The following AP3D1 variants were observed in gnomAD, a reference collection of about 807,000 sequenced individuals.
AP3D1 encodes the protein adaptor related protein complex 3 subunit delta 1, also known as AP-3 complex subunit delta-1.
AP3D1 carries 51 observed loss-of-function variants against 147.6 expected under a neutral mutation model. That is an observed-to-expected ratio of 0.35 (90% CI 0.28 to 0.44). The LOEUF is 0.44. Among genes scored for constraint, AP3D1 ranks in the 20% least tolerant of loss-of-function variants. AP3D1 has a pLI of 1.00. For missense variants in AP3D1, 1,421 were observed against 1,624.2 expected (o/e 0.87, Z 2.15); for synonymous variants, 760 against 663.0 (o/e 1.15, Z -2.25).
chr19:2,161,146 C>T (rs2144607893), intron 1 of AP3D1, among the ~76,000 whole-genome samples: 1 of 149,028 alleles, frequency 6.7e-6, no homozygotes, highest in East Asian at 2.0e-4. Context: ...CCATCAGGAG[C>T]TTCTCCTAGT....
chr19:2,154,124 T>C (rs542001409), upstream of AP3D1, among the ~76,000 whole-genome samples: 27 of 151,822 alleles, frequency 1.8e-4, no homozygotes, highest in African/African-American at 2.2e-4. Context: ...ATTTTTGTAT[T>C]TTTAGTAGAG....
rs945185334 is a variant in AP3D1 at position 2,132,355 on chromosome 19, C to T, written c.462+116G>A. Reference sequence around the variant, plus strand: ...GATTTGGTTCCCATTTCAGGCAGGCCACGCACCGGGGACCCCGGCCGGTTT... The same window carrying T: ...GATTTGGTTCCCATTTCAGGCAGGCTACGCACCGGGGACCCCGGCCGGTTT... On this transcript the variant is annotated intron_variant, in intron 5 of 31. Transcript: ENST00000643116. 18 of 874,130 alleles carry T rather than the reference C, an allele frequency of 2.1e-5. 1 individual carries two copies. In the Middle Eastern group the frequency reaches 1.9e-3, roughly 91 times the overall value. The allele number at this position is 874,130 out of a possible 1,614,324, so 54.1% of individuals were successfully genotyped here.
Position 2,129,461 on chromosome 19 carries a change from G to A in AP3D1, c.593-4C>T. 3.7e-6 allele frequency: 6 copies of A among 1,612,988 alleles called. No individual in the cohort carries two copies. Among genetic ancestry groups the A allele is most frequent in the Non-Finnish European group, 5.1e-6 (6 of 1,179,276 alleles). On this transcript the variant is annotated splice_region_variant and splice_polypyrimidine_tract_variant and intron_variant, in intron 6 of 31. Coordinates refer to ENST00000643116, the MANE Select transcript of AP3D1 (RefSeq NM_001261826.3). ...TTGACGGCAGCCGACTGAACCCCTG[G>A]GGAACAAGGGGTTCTCATCAGCATG... is the stretch of plus-strand genomic sequence containing the variant.
At position 2,110,707 on chromosome 19, in the gene AP3D1, C is replaced by G. The variant is rs750821648; in HGVS notation, c.3175G>C (p.Gly1059Arg). Residue 1059 changes from glycine to arginine, a missense_variant and splice_region_variant, in exon 27 of 32, where the codon GGC becomes CGC. Gly to Arg is a moderately radical substitution (Grantham distance 125). Transcript: ENST00000643116. ...AGGCCGTGAGTGGGGCAGGGCTCAC[C>G]TGGGGGCAGCTGGAAAGGCACGGGG... ...GVPVPFQLPP[G>R]VSNEAQYVFT... 3 of 1,594,444 alleles carry G rather than the reference C, an allele frequency of 1.9e-6. No homozygotes were observed. In the Admixed American group the frequency reaches 5.2e-5, roughly 28 times the overall value.
Position 2,117,347 on chromosome 19 carries a change from C to G in AP3D1, c.1734G>C (p.Leu578=). 1 of 1,609,410 alleles carries G rather than the reference C, an allele frequency of 6.2e-7. No individual in the cohort carries two copies. The highest frequency in any genetic ancestry group is 2.2e-5 in the East Asian group (1 of 44,750). Residue 578 remains leucine (L), a synonymous_variant, in exon 16 of 32, where the codon CTG becomes CTC. Transcript: ENST00000643116. ...VQERASCILQ[L]VKHIQKLQAK... is the part of the protein sequence containing the mutation. ...CCTGAAGCTTCTGGATGTGCTTGAC[C>G]AGCTGCAGGATGCAGGACGCCTGTG...
Position 2,130,418 on chromosome 19 carries a change from G to A in AP3D1, c.582C>T (p.Asp194=). The part of the protein sequence containing the change: ...AFPRLKEKLE[D]PDPGVQSAAV... ...CTCAAATCCACAAACCGGGGTCGGGGTCCTCCAGCTTCTCCTTCAGCCGGG... is the reference window on the plus strand; with the variant it reads ...CTCAAATCCACAAACCGGGGTCGGGATCCTCCAGCTTCTCCTTCAGCCGGG... Residue 194 remains aspartate, a synonymous_variant, in exon 6 of 32, where the codon GAC becomes GAT. Transcript: ENST00000643116. 1 of 1,613,978 alleles carries A rather than the reference G, an allele frequency of 6.2e-7. No homozygotes were observed. The highest frequency in any genetic ancestry group is 1.7e-5 in the Admixed American group (1 of 60,028).
intron 1 of AP3D1, among the ~76,000 whole-genome samples, chr19:2,143,512 T>G (rs925886995): frequency 6.6e-6 from 1 of 151,766 alleles, no homozygotes; most frequent in Admixed American, 6.6e-5. Context: ...AGTGCTGGGA[T>G]TACAGGCGTG....
chr19:2,129,245 A>G, intron 7 of AP3D1, 73 bp downstream of exon 7: 1 of 1,595,986 alleles, frequency 6.3e-7, no homozygotes, highest in Non-Finnish European at 8.6e-7. Context: ...GGTCACCCGC[A>G]GGGAATGCCC....
At chr19:2,137,883 C>T in intron 2 of AP3D1, 76 bp from the exon 3 acceptor site, 1 of 1,377,324 alleles carries the variant, frequency 7.3e-7, no homozygotes, top group South Asian at 1.2e-5. Context: ...GCATCAAGCG[C>T]TCCCTCCCAG....
intron 17 of AP3D1, 59 bp from the exon 18 acceptor site, chr19:2,116,337 C>G: frequency 2.0e-6 from 3 of 1,536,484 alleles, no homozygotes; most frequent in South Asian, 1.2e-5. Flanking sequence ...CCTCTGTGGA[C>G]GTCCACCACC....
At chr19:2,127,058 T>A in intron 9 of AP3D1, 94 bp downstream of exon 9, 1 of 1,376,954 alleles carries the variant, frequency 7.3e-7, no homozygotes, top group Non-Finnish European at 1.0e-6. Context: ...GGGGTGGCGC[T>A]CGGAGACACC....
intron 1 of AP3D1, among the ~76,000 whole-genome samples, chr19:2,145,665 A>C (rs1030800594): frequency 3.9e-5 from 6 of 152,118 alleles, no homozygotes; most frequent in Non-Finnish European, 7.4e-5. Flanking sequence ...GCTCAACGCA[A>C]GTGAGCATCA....
upstream of AP3D1, among the ~76,000 whole-genome samples, chr19:2,153,982 C>A (rs2019625178): frequency 1.2e-5 from 1 of 86,834 alleles, no homozygotes; most frequent in African/African-American, 2.9e-5. Context: ...GAGTCTCGCT[C>A]TGTTGCCCAG....
chr19:2,115,248 C>T lies in AP3D1; in HGVS notation c.2320G>A (p.Val774Met). The change falls in exon 20 of 32, where the codon GTG (valine) becomes ATG (methionine). Residue 774 changes from valine to methionine, a missense_variant. Val to Met is a conservative substitution (Grantham distance 21). Coordinates refer to ENST00000643116, the MANE Select transcript of AP3D1 (RefSeq NM_001261826.3). The part of the protein sequence containing the change: ...SDEDIAPAQQ[V>M]DIVTEEMPEN... ...GGCATCTCCTCTGTGACGATGTCCA[C>T]CTGCTGGGCAGGGGCGATGTCCTCG... 1 of 1,613,508 alleles carries T rather than the reference C, an allele frequency of 6.2e-7. No individual in the cohort carries two copies.
Position 2,121,700 on chromosome 19 carries a change from C to CCAGG in AP3D1, c.1101+30_1101+33dup, listed in dbSNP as rs766764592. Reference sequence around the variant, plus strand: ...CTTAATGTCCCTTAGAGAACTAAGGCCAGGCGGGCGGGCGGCGGACAGAGG... The same window carrying CCAGG: ...CTTAATGTCCCTTAGAGAACTAAGGCCAGGCAGGCGGGCGGGCGGCGGACAGAGG... On this transcript the variant is annotated intron_variant, in intron 12 of 31. Coordinates refer to ENST00000643116, the MANE Select transcript of AP3D1 (RefSeq NM_001261826.3). The CCAGG allele has an allele frequency of 2.5e-4, 387 of 1,543,520 alleles. 1 individual carries two copies. Among genetic ancestry groups the CCAGG allele is most frequent in the Non-Finnish European group, 5.8e-5 (67 of 1,147,384 alleles).
At chr19:2,155,340 G>A (rs550302858), upstream of AP3D1, among the ~76,000 whole-genome samples, 55 of 150,650 alleles carry the variant, frequency 3.7e-4, no homozygotes, top group Middle Eastern at 3.4e-3. Context: ...CAGCCTGGGC[G>A]ACAGAGTGAG....
chr19:2,116,608 A>C lies in AP3D1; in HGVS notation c.1998T>G (p.Ala666=). The C allele has an allele frequency of 6.3e-7, 1 of 1,592,508 alleles. No individual in the cohort carries two copies. Among genetic ancestry groups the C allele is most frequent in the Non-Finnish European group, 8.5e-7 (1 of 1,170,488 alleles). The change falls in exon 17 of 32, where the codon GCT becomes GCG. Residue 666 remains alanine, a synonymous_variant. Transcript: ENST00000643116. ...RPSEADEEEL[A]RRREARKQEQ... ...CCAGGGGCAGCCAGCAGCTCACCCG[A>C]GCCAGCTCTTCCTCGTCCGCCTCCG...
chr19:2,108,890 G>C (rs953880721), intron 30 of AP3D1, 124 bp from the exon 31 acceptor site: 2 of 1,329,554 alleles, frequency 1.5e-6, no homozygotes, highest in Non-Finnish European at 2.1e-6. Context: ...TAGGAGCAGG[G>C]TGTGGCCCTG....
At position 2,110,774 on chromosome 19, in the gene AP3D1, G is replaced by A. The variant is rs751860280; in HGVS notation, c.3108C>T (p.Ala1036=). 18 of 1,612,966 alleles carry A rather than the reference G, an allele frequency of 1.1e-5. No individual in the cohort carries two copies. In the South Asian group the frequency reaches 2.0e-4, roughly 18 times the overall value. ...MELSVLDSLN[A]RMARPQGSSV... ...AGGAGCCCTGCGGCCGGGCCATCCT[G>A]GCATTGAGTGAGTCCAGCACGCTGA... is the stretch of plus-strand genomic sequence containing the variant. The change falls in exon 27 of 32, where the codon GCC becomes GCT. Residue 1036 remains alanine (A), a synonymous_variant. Transcript: ENST00000643116.
Sources: allele counts gnomAD v4.1 joint callset (sites outside exome capture counted in the v4.1 genomes callset), GRCh38; gene constraint gnomAD v4.1.1; transcripts MANE v1.5; gene names NCBI Gene and HGNC (gene_info 2026-07-23, HGNC 2026-07-21).